LEPROT: variants seen among roughly 807,000 people sequenced by gnomAD.
LEPROT encodes the protein leptin receptor gene-related protein.
In LEPROT, 3 loss-of-function variants were observed where a neutral mutation model predicts 15.4. That is an observed-to-expected ratio of 0.19 (90% CI 0.09 to 0.50). The LOEUF is 0.50. LEPROT is among the 20% of genes least tolerant of loss of function. The pLI is 0.97. For synonymous variants in LEPROT, 59 were observed against 57.5 expected (o/e 1.03, Z -0.12); for missense variants, 137 against 162.2 (o/e 0.84, Z 0.84).
Position 65,435,914 on chromosome 1 carries a change from C to G in LEPROT, c.*3995C>G, listed in dbSNP as rs1195067202. The stretch of plus-strand genomic sequence containing the variant: ...CATAAATTATAATCTTTCAAATAGC[C>G]ATGCTACCAGCGTACAACAGTGATA... On this transcript the variant is annotated 3_prime_UTR_variant, in exon 4 of 4. Coordinates refer to ENST00000371065, the MANE Select transcript of LEPROT (RefSeq NM_017526.5). 17 of 984,844 alleles carry G rather than the reference C, an allele frequency of 1.7e-5. No individual in the cohort carries two copies. The highest frequency in any genetic ancestry group is 2.0e-5 in the Non-Finnish European group (17 of 829,550). 61.0% of individuals were successfully genotyped at this position (984,844 alleles called of 1,614,324 possible).
intron 2 of LEPROT, 118 bp downstream of exon 2, chr1:65,425,496 C>T: frequency 1.3e-6 from 1 of 757,854 alleles, no homozygotes; most frequent in Non-Finnish European, 2.1e-6. Flanking sequence ...TTAGTGGAGC[C>T]CAGTTTATGA....
Position 65,433,716 on chromosome 1 carries a change from T to A in LEPROT, c.*1797T>A. 1 of 928,844 alleles carries A rather than the reference T, an allele frequency of 1.1e-6. No homozygotes were observed. The highest frequency in any genetic ancestry group is 1.8e-5 in the African/African-American group (1 of 56,042). 57.5% of individuals were successfully genotyped at this position (928,844 alleles called of 1,614,324 possible). A position where few individuals can be genotyped will look rare whatever the true frequency, so the allele number is the denominator to read the frequency against. The stretch of plus-strand genomic sequence containing the variant: ...ATTTCCAATATTTATATTAGAAAAA[T>A]TATTTAGATACTTTATAATTTTAAC... On this transcript the variant is annotated 3_prime_UTR_variant, in exon 4 of 4. Transcript: ENST00000371065.
chr1:65,426,838 A>C (rs189394657), intron 2 of LEPROT, among the ~76,000 whole-genome samples: 3 of 152,210 alleles, frequency 2.0e-5, no homozygotes, highest in Admixed American at 2.0e-4. Context: ...CTCTACTAAA[A>C]ATACAAAAAA....
chr1:65,421,208 G>A, intron 1 of LEPROT: 4 of 1,066,084 alleles, frequency 3.8e-6, no homozygotes, highest in Non-Finnish European at 5.2e-6. Flanking sequence ...GGGCAGAGTT[G>A]ACCGCGGGCG....
intron 2 of LEPROT, among the ~76,000 whole-genome samples, chr1:65,425,643 C>G (rs1646347126): frequency 8.8e-6 from 1 of 114,260 alleles, no homozygotes; most frequent in African/African-American, 3.8e-5. Flanking sequence ...GTCCTGTCCT[C>G]AAAGAGGAGG....
rs1646517761 is a variant in LEPROT, at chr1:65,433,578, C to A, written c.*1659C>A. On this transcript the variant is annotated 3_prime_UTR_variant, in exon 4 of 4. Transcript: ENST00000371065. ...GTAATTAGCAGGTATGATGCTGGGA[C>A]TGGAAAATAGAAAGTAATAACTAAA... 1 of 985,228 alleles carries A rather than the reference C, an allele frequency of 1.0e-6. No individual in the cohort carries two copies. The highest frequency in any genetic ancestry group is 1.7e-5 in the African/African-American group (1 of 57,212). 61.0% of individuals were successfully genotyped at this position (985,228 alleles called of 1,614,324 possible).
At chr1:65,424,920 C>T (rs377563518) in intron 1 of LEPROT, among the ~76,000 whole-genome samples, 4 of 152,066 alleles carry the variant, frequency 2.6e-5, no homozygotes, top group African/African-American at 7.2e-5. Flanking sequence ...GGGATGGAGC[C>T]GGGAAGGTTT....
chr1:65,433,489 G>A lies in LEPROT; in HGVS notation c.*1570G>A. On this transcript the variant is annotated 3_prime_UTR_variant, in exon 4 of 4. Coordinates refer to ENST00000371065, the MANE Select transcript of LEPROT (RefSeq NM_017526.5). Reference sequence around the variant, plus strand: ...TCAGAATACAACCAATAGTCTTTAAGCATTGTTAAAGTATGAAACTGAAAT... The same window carrying A: ...TCAGAATACAACCAATAGTCTTTAAACATTGTTAAAGTATGAAACTGAAAT... 1.0e-6 allele frequency: 1 copy of A among 985,310 alleles called. No homozygotes were observed. Among genetic ancestry groups the A allele is most frequent in the Non-Finnish European group, 1.2e-6 (1 of 829,808 alleles). 61.0% of individuals were successfully genotyped at this position (985,310 alleles called of 1,614,324 possible).
intron 1 of LEPROT, chr1:65,421,352 A>T (rs1166777026): frequency 1.4e-5 from 21 of 1,535,770 alleles, no homozygotes; most frequent in Non-Finnish European, 1.7e-5. Context: ...TGTGTGTAGT[A>T]TGTGTTTTTT....
In LEPROT at chr1:65,433,657, T is replaced by G. The variant is rs1646519028; in HGVS notation, c.*1738T>G. On this transcript the variant is annotated 3_prime_UTR_variant, in exon 4 of 4. Coordinates refer to ENST00000371065, the MANE Select transcript of LEPROT (RefSeq NM_017526.5). ...CTTGTTCATGATTTTATGTTTTCAG[T>G]GTCCTGTGTACATATAGAATTGTTA... 1 of 985,176 alleles carries G rather than the reference T, an allele frequency of 1.0e-6. No individual in the cohort carries two copies. Among genetic ancestry groups the G allele is most frequent in the East Asian group, 1.1e-4 (1 of 8,818 alleles). The allele number at this position is 985,176 out of a possible 1,614,324, so 61.0% of individuals were successfully genotyped here.
At chr1:65,421,501 A>G (rs1646250496) in intron 1 of LEPROT, 16 of 1,535,392 alleles carry the variant, frequency 1.0e-5, no homozygotes, top group Non-Finnish European at 1.4e-5. Flanking sequence ...ATAGAGTAGC[A>G]TGACTTGTTT....
In LEPROT at chr1:65,431,951, C is replaced by T. The variant is rs374852614; in HGVS notation, c.*32C>T. The T allele has an allele frequency of 2.5e-6, 4 of 1,604,406 alleles. No homozygotes were observed. Among genetic ancestry groups the T allele is most frequent in the Non-Finnish European group, 3.4e-6 (4 of 1,177,092 alleles). On this transcript the variant is annotated 3_prime_UTR_variant, in exon 4 of 4. Transcript: ENST00000371065. ...ATTCTGATTACAGTGCATTGAATTT[C>T]TTAGAACTCATACTATCTGTATACA... is the stretch of plus-strand genomic sequence containing the variant.
At chr1:65,423,425 A>T (rs1488777722) in intron 1 of LEPROT, among the ~76,000 whole-genome samples, 1 of 152,176 alleles carries the variant, frequency 6.6e-6, no homozygotes, top group Non-Finnish European at 1.5e-5. Context: ...GAACGTTGAG[A>T]AACTGGTATC....
chr1:65,432,096 T>C lies in LEPROT; in HGVS notation c.*177T>C, dbSNP rs1264421836. 3 of 1,308,944 alleles carry C rather than the reference T, an allele frequency of 2.3e-6. No homozygotes were observed. Among genetic ancestry groups the C allele is most frequent in the Non-Finnish European group, 2.9e-6 (3 of 1,030,320 alleles). The allele number at this position is 1,308,944 out of a possible 1,614,324, so 81.1% of individuals were successfully genotyped here. A position where few individuals can be genotyped will look rare whatever the true frequency, so the allele number is the denominator to read the frequency against. ...GGAGATGAGTTTTATTCTCAGCAAA[T>C]AGACCTGTCAAATTTAGATTATGTT... is the stretch of plus-strand genomic sequence containing the variant. On this transcript the variant is annotated 3_prime_UTR_variant, in exon 4 of 4. Coordinates refer to ENST00000371065, the MANE Select transcript of LEPROT (RefSeq NM_017526.5).
chr1:65,434,898 A>T lies in LEPROT; in HGVS notation c.*2979A>T. 2 of 985,444 alleles carry T rather than the reference A, an allele frequency of 2.0e-6. No individual in the cohort carries two copies. Among genetic ancestry groups the T allele is most frequent in the African/African-American group, 3.5e-5 (2 of 57,340 alleles). The allele number at this position is 985,444 out of a possible 1,614,324, so 61.0% of individuals were successfully genotyped here. A position where few individuals can be genotyped will look rare whatever the true frequency, so the allele number is the denominator to read the frequency against. On this transcript the variant is annotated 3_prime_UTR_variant, in exon 4 of 4. Coordinates refer to ENST00000371065, the MANE Select transcript of LEPROT (RefSeq NM_017526.5). The stretch of plus-strand genomic sequence containing the variant: ...TCATGTGGTGCTGAGAAGAAAGCAG[A>T]TCACACTTCATCACAGAAAGAATGC...
rs1300093101 is a variant in LEPROT, at chr1:65,435,381, T to TG, written c.*3462_*3463insG. On this transcript the variant is annotated 3_prime_UTR_variant, in exon 4 of 4. Transcript: ENST00000371065. ...CTTTTCTTTTCTTTTTTTTTTTTTT[T>TG]TTTTGAGGCAGAGTCTCGCTCTGTT... The TG allele has an allele frequency of 2.1e-6, 2 of 938,074 alleles. No homozygotes were observed. The highest frequency in any genetic ancestry group is 2.5e-6 in the Non-Finnish European group (2 of 789,598). The allele number at this position is 938,074 out of a possible 1,614,324, so 58.1% of individuals were successfully genotyped here.
rs1463302603 is a variant in LEPROT at position 65,420,694 on chromosome 1, C to A, written c.-31C>A. 4 of 1,573,658 alleles carry A rather than the reference C, an allele frequency of 2.5e-6. No homozygotes were observed. The African/African-American group carries it at 5.4e-5, about 21-fold the overall frequency. On this transcript the variant is annotated 5_prime_UTR_variant, in exon 1 of 4. Transcript: ENST00000371065. ...GGCTGCCCGGGCCGTGGCAGGAAGC[C>A]GGAAGCAGCCGCGGCCCCAGTTCGG...
chr1:65,431,318 G>C (rs1268135951), intron 3 of LEPROT, among the ~76,000 whole-genome samples: 1 of 152,142 alleles, frequency 6.6e-6, no homozygotes, highest in East Asian at 1.9e-4. Context: ...CCCCAAATGT[G>C]CTTCTGTAAA....
Position 65,420,681 on chromosome 1 carries a change from C to G in LEPROT, c.-44C>G. 6.4e-7 allele frequency: 1 copy of G among 1,566,182 alleles called. No individual in the cohort carries two copies. Among genetic ancestry groups the G allele is most frequent in the Non-Finnish European group, 8.6e-7 (1 of 1,157,330 alleles). On this transcript the variant is annotated 5_prime_UTR_variant, in exon 1 of 4. Transcript: ENST00000371065. ...TCTGGCTTGGGCAGGCTGCCCGGGC[C>G]GTGGCAGGAAGCCGGAAGCAGCCGC...
Sources: gnomAD v4.1 joint callset for allele counts (sites outside exome capture counted in the v4.1 genomes callset) on GRCh38, gnomAD v4.1.1 for gene constraint, MANE v1.5 for transcripts, NCBI Gene and HGNC (gene_info 2026-07-23, HGNC 2026-07-21) for gene names.